The following PPARGC1A variants were observed in gnomAD, a reference collection of about 807,000 sequenced individuals.
PPARGC1A encodes the protein peroxisome proliferator-activated receptor gamma coactivator 1-alpha.
In PPARGC1A, 25 loss-of-function variants were observed where a neutral mutation model predicts 88.7. The ratio of observed to expected loss-of-function variants is 0.28; its 90% CI spans 0.21 to 0.39. The LOEUF is 0.39. Ranked by LOEUF, PPARGC1A falls within the 10% of genes least tolerant of loss-of-function variation. The pLI is 1.00. For missense variants in PPARGC1A, 880 were observed against 968.7 expected, an observed-to-expected ratio of 0.91 and a Z score of 1.22; for synonymous variants, 363 against 355.6, an observed-to-expected ratio of 1.02 and a Z score of -0.24.
At chr4:24,216,985 A>T in the PPARGC1A span, among the ~76,000 whole-genome samples, 2 of 152,238 alleles carry the variant, frequency 1.3e-5, no homozygotes, top group Non-Finnish European at 2.9e-5. Context: ...CACCTGACAC[A>T]TAGTAGGTCA....
the PPARGC1A span, among the ~76,000 whole-genome samples, chr4:24,049,787 G>T: frequency 6.6e-6 from 1 of 152,112 alleles, no homozygotes; most frequent in Admixed American, 6.5e-5. Flanking sequence ...CCCACTTTAA[G>T]CTCTGCGTGC....
the PPARGC1A span, among the ~76,000 whole-genome samples, chr4:24,300,157 C>G: frequency 6.6e-6 from 1 of 152,096 alleles, no homozygotes; most frequent in East Asian, 1.9e-4. Context: ...GTGTCCTTTA[C>G]AGAAACCGTT....
chr4:24,077,710 T>C, the PPARGC1A span, among the ~76,000 whole-genome samples: 1 of 151,342 alleles, frequency 6.6e-6, no homozygotes, highest in Non-Finnish European at 1.5e-5. Context: ...ACTCTTACAA[T>C]CTGTGGCTCT....
At chr4:23,804,766 T>C (rs1719466852) in intron 10 of PPARGC1A, among the ~76,000 whole-genome samples, 2 of 152,234 alleles carry the variant, frequency 1.3e-5, no homozygotes, top group South Asian at 4.2e-4. Context: ...CCTTTGCACA[T>C]GCTCTTTCCC....
chr4:24,211,788 T>C, the PPARGC1A span, among the ~76,000 whole-genome samples: 2 of 152,182 alleles, frequency 1.3e-5, no homozygotes, highest in Admixed American at 6.5e-5. Context: ...AATGAGTCCA[T>C]ACATTTTTAA....
chr4:24,340,684 T>C, the PPARGC1A span, among the ~76,000 whole-genome samples: 2 of 152,104 alleles, frequency 1.3e-5, no homozygotes, highest in East Asian at 1.9e-4. Flanking sequence ...TGATGGCAGA[T>C]TTTTTTTCAT....
chr4:24,192,445 G>A, the PPARGC1A span, among the ~76,000 whole-genome samples: 81 of 152,314 alleles, frequency 5.3e-4, 1 homozygote, highest in South Asian at 0.011. Flanking sequence ...TTAGCTGAAC[G>A]GAAGACCCTG....
intron 2 of PPARGC1A, among the ~76,000 whole-genome samples, chr4:23,841,660 T>C (rs1313979224): frequency 2.0e-5 from 3 of 152,042 alleles, no homozygotes; most frequent in Non-Finnish European, 4.4e-5. Flanking sequence ...CATTTTAAAA[T>C]ACTCATTTCT....
At chr4:24,280,790 GC>G in the PPARGC1A span, among the ~76,000 whole-genome samples, 2 of 152,198 alleles carry the variant, frequency 1.3e-5, no homozygotes, top group Non-Finnish European at 2.9e-5. Flanking sequence ...TGTATCCATT[GC>G]ATATGTGAAG....
upstream of PPARGC1A, among the ~76,000 whole-genome samples, chr4:23,901,416 C>T (rs1413091336): frequency 4.0e-5 from 6 of 148,234 alleles, no homozygotes; most frequent in Non-Finnish European, 8.9e-5. Context: ...TGGTGGCATG[C>T]GCCTATAGTC....
chr4:24,277,014 C>T, the PPARGC1A span, among the ~76,000 whole-genome samples: 1 of 152,156 alleles, frequency 6.6e-6, no homozygotes, highest in African/African-American at 2.4e-5. Flanking sequence ...CCAGGATGTA[C>T]TCAGGTCCAA....
At chr4:24,184,552 G>T in the PPARGC1A span, among the ~76,000 whole-genome samples, 2 of 152,320 alleles carry the variant, frequency 1.3e-5, no homozygotes, top group Admixed American at 6.5e-5. Context: ...CTAGTTGAAG[G>T]CTGCACATGC....
chr4:23,979,867 C>T, the PPARGC1A span, among the ~76,000 whole-genome samples: 2 of 152,238 alleles, frequency 1.3e-5, no homozygotes, highest in Admixed American at 1.3e-4. Flanking sequence ...GTGGATATCT[C>T]CTCTCTCCTC....
chr4:24,457,394 G>A, the PPARGC1A span, among the ~76,000 whole-genome samples: 1 of 152,192 alleles, frequency 6.6e-6, no homozygotes, highest in Non-Finnish European at 1.5e-5. Flanking sequence ...TCTTGAATAT[G>A]AGCTTTATTT....
chr4:24,225,044 C>A, the PPARGC1A span, among the ~76,000 whole-genome samples: 1 of 152,088 alleles, frequency 6.6e-6, no homozygotes, highest in Admixed American at 6.5e-5. Flanking sequence ...GAGGGAGGGG[C>A]TGGGGCTTCA....
the PPARGC1A span, among the ~76,000 whole-genome samples, chr4:24,133,502 T>A: frequency 6.6e-6 from 1 of 152,204 alleles, no homozygotes; most frequent in African/African-American, 2.4e-5. Context: ...ACTTGGCTCC[T>A]CAAGCAGATT....
the PPARGC1A span, among the ~76,000 whole-genome samples, chr4:24,060,368 A>G: frequency 6.6e-6 from 1 of 152,364 alleles, no homozygotes; most frequent in African/African-American, 2.4e-5. Context: ...TTACTGCAAT[A>G]ATACCCATAA....
intron 2 of PPARGC1A, among the ~76,000 whole-genome samples, chr4:23,866,832 A>G (rs1429506471): frequency 6.6e-6 from 1 of 151,812 alleles, no homozygotes; most frequent in African/African-American, 2.4e-5. Context: ...TATTTGTCAC[A>G]TTTGCTCTCA....
the PPARGC1A span, among the ~76,000 whole-genome samples, chr4:23,929,156 T>C: frequency 6.6e-6 from 1 of 151,898 alleles, no homozygotes; most frequent in African/African-American, 2.4e-5. Flanking sequence ...AATAAAATAA[T>C]AATGAATAAA....
Sources: allele counts gnomAD v4.1 joint callset (sites outside exome capture counted in the v4.1 genomes callset), GRCh38; gene constraint gnomAD v4.1.1; transcripts MANE v1.5; gene names NCBI Gene and HGNC (gene_info 2026-07-23, HGNC 2026-07-21).